The following MAPK8 variants were observed in gnomAD, a reference collection of about 807,000 sequenced individuals.
MAPK8 encodes the protein JUN N-terminal kinase.
MAPK8 carries 13 observed loss-of-function variants against 52.9 expected under a neutral mutation model. The observed-to-expected ratio is 0.25, with a 90% CI of 0.16 to 0.39. The LOEUF is 0.39. MAPK8 is among the 10% of genes least tolerant of loss of function. The probability of loss-of-function intolerance (pLI) is 1.00; values close to 1 mark genes in which losing one functional copy is unlikely to be tolerated. For missense variants in MAPK8, 300 were observed against 519.2 expected (o/e 0.58, Z 4.10); for synonymous variants, 191 against 169.8 (o/e 1.12, Z -0.97).
intron 1 of MAPK8, among the ~76,000 whole-genome samples, chr10:48,370,530 C>T (rs1283731243): frequency 1.3e-5 from 2 of 152,012 alleles, no homozygotes; most frequent in East Asian, 3.9e-4. Context: ...AAAGTGAGGA[C>T]TAATAGAAAA....
intron 1 of MAPK8, among the ~76,000 whole-genome samples, chr10:48,332,775 A>G (rs963908425): frequency 3.3e-5 from 5 of 152,154 alleles, no homozygotes; most frequent in African/African-American, 4.8e-5. Flanking sequence ...AAATGTACCA[A>G]TTATTTTCTC....
In MAPK8 at chr10:48,393,954, A is replaced by G. The variant is rs576074668; in HGVS notation, c.-49-7658A>G. Among the ~76,000 whole-genome samples, 44 of 152,100 alleles carry G rather than the reference A, an allele frequency of 2.9e-4. 1 individual carries two copies. Among genetic ancestry groups the G allele is most frequent in the Middle Eastern group, 6.8e-3 (2 of 294 alleles). ...TCTAGCCAGACTGATTAGAAAAAAG[A>G]AGACACAAATGAGATTAATAGGAAT... On this transcript the variant is annotated intron_variant, in intron 1 of 11. Coordinates refer to ENST00000374189, the MANE Select transcript of MAPK8 (RefSeq NM_001323329.2).
intron 1 of MAPK8, among the ~76,000 whole-genome samples, chr10:48,359,103 C>T (rs933532542): frequency 6.6e-6 from 1 of 152,128 alleles, no homozygotes; most frequent in Non-Finnish European, 1.5e-5. Context: ...TTCTGTTTTG[C>T]TTCATTAATT....
intron 1 of MAPK8, among the ~76,000 whole-genome samples, chr10:48,348,058 G>A (rs1428277945): frequency 6.6e-6 from 1 of 152,180 alleles, no homozygotes; most frequent in African/African-American, 2.4e-5. Flanking sequence ...TCCAGCATCT[G>A]TTGTTTCCTG....
chr10:48,425,190 G>T lies in MAPK8; in HGVS notation c.689-698G>T, dbSNP rs754091512. On this transcript the variant is annotated intron_variant, in intron 7 of 11. Transcript: ENST00000374189. ...TAGAATTGTTTCAGGAGGAAGAATGGGAAAAGGCATATTCACAAGGTTACA... is the reference window on the plus strand; with the variant it reads ...TAGAATTGTTTCAGGAGGAAGAATGTGAAAAGGCATATTCACAAGGTTACA... The T allele has an allele frequency of 1.0e-5, 8 of 768,170 alleles. No individual in the cohort carries two copies. In the South Asian group the frequency reaches 1.1e-4, roughly 11 times the overall value. The allele number at this position is 768,170 out of a possible 1,614,324, so 47.6% of individuals were successfully genotyped here.
At chr10:48,422,558 A>G (rs1424306362) in intron 6 of MAPK8, among the ~76,000 whole-genome samples, 1 of 152,184 alleles carries the variant, frequency 6.6e-6, no homozygotes, top group Non-Finnish European at 1.5e-5. Flanking sequence ...TTTAAAAATG[A>G]GCTTTTCTGA....
chr10:48,353,810 A>G (rs1846570609), intron 1 of MAPK8, among the ~76,000 whole-genome samples: 1 of 152,216 alleles, frequency 6.6e-6, no homozygotes, highest in Non-Finnish European at 1.5e-5. Flanking sequence ...CATTCTTGAA[A>G]TGACAAAATT....
intron 1 of MAPK8, among the ~76,000 whole-genome samples, chr10:48,318,634 G>A (rs1221093598): frequency 6.6e-6 from 1 of 152,132 alleles, no homozygotes; most frequent in Admixed American, 6.5e-5. Context: ...GTGGGCTTCC[G>A]AGGTGGAATT....
chr10:48,414,013 A>ACT lies in MAPK8; in HGVS notation c.450+3845_450+3846insCT, dbSNP rs1295466950. On this transcript the variant is annotated intron_variant, in intron 5 of 11. Transcript: ENST00000374189. ...CTCGTTACCACAATCTTAACTTTAG[A>ACT]AAATTCTATTGCCCTAAAAGAAACT... Among the ~76,000 whole-genome samples the ACT allele has an allele frequency of 2.0e-5, 3 of 151,694 alleles. No individual in the cohort carries two copies. In the East Asian group the frequency reaches 5.8e-4, roughly 29 times the overall value.
At chr10:48,377,891 T>C (rs1472192506) in intron 1 of MAPK8, among the ~76,000 whole-genome samples, 1 of 152,240 alleles carries the variant, frequency 6.6e-6, no homozygotes, top group Non-Finnish European at 1.5e-5. Context: ...TGATTTTCTA[T>C]ACATTGTTAA....
intron 1 of MAPK8, among the ~76,000 whole-genome samples, chr10:48,362,739 T>G (rs1182481559): frequency 7.3e-3 from 63 of 8,624 alleles, no homozygotes; most frequent in African/African-American, 0.025. Context: ...TTTTATTAGT[T>G]TTTTTTTTTT....
chr10:48,338,947 T>C (rs570079661), intron 1 of MAPK8, among the ~76,000 whole-genome samples: 57 of 152,108 alleles, frequency 3.7e-4, no homozygotes, highest in Non-Finnish European at 7.2e-4. Flanking sequence ...CACAAACAAA[T>C]GGAAGAAACG....
intron 1 of MAPK8, among the ~76,000 whole-genome samples, chr10:48,355,266 T>A (rs899864556): frequency 1.2e-4 from 18 of 152,112 alleles, no homozygotes; most frequent in Non-Finnish European, 2.4e-4. Flanking sequence ...TCCCAGCACT[T>A]TGGGAGGCCG....
intron 1 of MAPK8, among the ~76,000 whole-genome samples, chr10:48,312,168 G>T (rs1842040484): frequency 7.2e-5 from 11 of 152,176 alleles, no homozygotes; most frequent in Admixed American, 7.2e-4. Context: ...CTTCTTTTCT[G>T]ATTCCTGGTT....
At chr10:48,415,239 G>C (rs2043000821) in intron 5 of MAPK8, among the ~76,000 whole-genome samples, 1 of 152,104 alleles carries the variant, frequency 6.6e-6, no homozygotes, top group African/African-American at 2.4e-5. Context: ...GAAACTTCTA[G>C]GTTTGGGTTG....
chr10:48,407,773 C>T (rs921813799), intron 3 of MAPK8, among the ~76,000 whole-genome samples: 4 of 152,122 alleles, frequency 2.6e-5, no homozygotes, highest in African/African-American at 9.7e-5. Flanking sequence ...CTGTCATTCC[C>T]CTACCTCCCA....
chr10:48,325,204 G>A (rs1228983139), intron 1 of MAPK8, among the ~76,000 whole-genome samples: 2 of 152,116 alleles, frequency 1.3e-5, no homozygotes, highest in African/African-American at 4.8e-5. Flanking sequence ...TCGAACTCCT[G>A]ACCTCAAGTG....
intron 1 of MAPK8, among the ~76,000 whole-genome samples, chr10:48,324,803 T>C (rs1042646149): frequency 2.6e-5 from 4 of 152,174 alleles, no homozygotes; most frequent in Middle Eastern, 3.2e-3. Context: ...ATCTATCCAT[T>C]ATAACAATGG....
chr10:48,412,383 G>A (rs2042805436), intron 5 of MAPK8, among the ~76,000 whole-genome samples: 2 of 152,132 alleles, frequency 1.3e-5, no homozygotes, highest in Admixed American at 1.3e-4. Flanking sequence ...GTAGATTCAT[G>A]TCTTTTTTGA....
Sources: allele counts gnomAD v4.1 joint callset (sites outside exome capture counted in the v4.1 genomes callset), GRCh38; gene constraint gnomAD v4.1.1; transcripts MANE v1.5; gene names NCBI Gene and HGNC (gene_info 2026-07-23, HGNC 2026-07-21).